Variants in CC2D2B observed in about 807,000 individuals in gnomAD.
CC2D2B encodes the protein coiled-coil and C2 domain containing 2B, also known as protein CC2D2B.
A neutral mutation model predicts 161.2 loss-of-function variants in CC2D2B; 128 were observed. That is an observed-to-expected ratio of 0.79 (90% CI 0.69 to 0.92). CC2D2B has a LOEUF of 0.92. Ranked by LOEUF, CC2D2B falls within the 40% of genes least tolerant of loss-of-function variation. The pLI is 0.00. For missense variants in CC2D2B, 1,173 were observed against 1,375.1 expected (o/e 0.85, Z 2.32); for synonymous variants, 391 against 449.8 (o/e 0.87, Z 1.65).
Position 96,019,832 on chromosome 10 carries a change from A to G in CC2D2B, c.3888+8A>G, listed in dbSNP as rs2079375450. 6.3e-7 allele frequency: 1 copy of G among 1,598,392 alleles called. No homozygotes were observed. The highest frequency in any genetic ancestry group is 2.3e-5 in the East Asian group (1 of 44,150). ...AAAATACAAAGCATACAGGTAAATCATATTTTCCCAGGGGTGTCTGTATGA... is the reference window on the plus strand; with the variant it reads ...AAAATACAAAGCATACAGGTAAATCGTATTTTCCCAGGGGTGTCTGTATGA... On this transcript the variant is annotated splice_region_variant and intron_variant, in intron 32 of 34. Coordinates refer to ENST00000646931, the MANE Select transcript of CC2D2B (RefSeq NM_001349008.3).
intron 9 of CC2D2B, among the ~76,000 whole-genome samples, chr10:95,941,184 C>T (rs940248646): frequency 6.6e-6 from 1 of 152,148 alleles, no homozygotes; most frequent in Non-Finnish European, 1.5e-5. Flanking sequence ...CATACACAAA[C>T]ATCAACTCGA....
At chr10:96,029,284 A>ATG (rs1399819224) in intron 34 of CC2D2B, among the ~76,000 whole-genome samples, 3 of 53,760 alleles carry the variant, frequency 5.6e-5, no homozygotes, top group Non-Finnish European at 1.0e-4. Flanking sequence ...ATATATATAT[A>ATG]TGTATATATA....
chr10:95,946,421 C>T (rs867952571), intron 9 of CC2D2B, among the ~76,000 whole-genome samples: 8 of 152,176 alleles, frequency 5.3e-5, no homozygotes, highest in African/African-American at 4.8e-5. Flanking sequence ...GTTATTCAAC[C>T]AGTGCTGGAT....
At chr10:96,015,741 AT>A (rs2079170796) in intron 29 of CC2D2B, among the ~76,000 whole-genome samples, 2 of 152,098 alleles carry the variant, frequency 1.3e-5, no homozygotes, top group Non-Finnish European at 2.9e-5. Flanking sequence ...TCCAACTCAG[AT>A]TTCTTCCTTT....
At chr10:96,018,895 T>TC (rs1384928987) in intron 30 of CC2D2B, 1 of 198,302 alleles carries the variant, frequency 5.0e-6, no homozygotes, top group African/African-American at 2.3e-5. Context: ...CTCCTCAGGC[T>TC]CAAGCGATCC....
At chr10:96,024,025 G>T (rs1056676278) in intron 32 of CC2D2B, among the ~76,000 whole-genome samples, 16 of 152,190 alleles carry the variant, frequency 1.1e-4, no homozygotes, top group Middle Eastern at 3.2e-3. Flanking sequence ...CTCTTCCTCA[G>T]CTCAGGAATA....
chr10:95,976,817 C>T (rs143284507), intron 17 of CC2D2B, among the ~76,000 whole-genome samples: 5,054 of 152,264 alleles, frequency 0.033, 120 homozygotes, highest in South Asian at 0.079. Flanking sequence ...GGTGCAATCT[C>T]GGCTCACTGC....
In CC2D2B at chr10:95,924,389, A is replaced by C. The variant is rs371415513; in HGVS notation, c.173A>C (p.Lys58Thr). 98 of 1,477,088 alleles carry C rather than the reference A, an allele frequency of 6.6e-5. No individual in the cohort carries two copies. The African/African-American group carries it at 1.1e-3, about 16-fold the overall frequency. 91.5% of individuals were successfully genotyped at this position (1,477,088 alleles called of 1,614,324 possible). ...GKVREKLKISKINKGEKSSTE... is the reference protein window; with the variant it reads ...GKVREKLKISTINKGEKSSTE... ...GTGAGAGAAAAGCTAAAAATTTCTA[A>C]GGTAATGCTTTTTAAAATTTCCTGT... The change falls in exon 4 of 35, where the codon AAG becomes ACG. Residue 58 changes from lysine (K) to threonine (T), a missense_variant and splice_region_variant. Physicochemically the swap from Lys to Thr is moderately conservative, Grantham distance 78. Coordinates refer to ENST00000646931, the MANE Select transcript of CC2D2B (RefSeq NM_001349008.3).
chr10:95,977,619 G>C (rs1339906721), intron 17 of CC2D2B, among the ~76,000 whole-genome samples: 3 of 152,096 alleles, frequency 2.0e-5, no homozygotes, highest in African/African-American at 7.2e-5. Context: ...GATTCTTTCA[G>C]TTAGTTTCTA....
At position 96,004,186 on chromosome 10, in the gene CC2D2B, T is replaced by C. The variant is rs776166819; in HGVS notation, c.2884T>C (p.Ser962Pro). 1 of 1,556,362 alleles carries C rather than the reference T, an allele frequency of 6.4e-7. No homozygotes were observed. The highest frequency in any genetic ancestry group is 2.1e-5 in the Admixed American group (1 of 48,380). ...ACATGATTATAGCTTCTCAAGCTTA[T>C]CTAAAATAAAAGATAACATATATAT... ...PGHDYSFSSL[S>P]KIKDNIYINI... The change falls in exon 25 of 35, where the codon TCT (serine) becomes CCT (proline). Residue 962 changes from serine to proline, a missense_variant. By Grantham distance (74) the Ser-to-Pro change is moderately conservative. Around this residue, in one of 3 missense-constraint regions of CC2D2B, gnomAD observed 598 missense variants for 693.2 expected, o/e 0.86. Transcript: ENST00000646931.
chr10:96,000,333 TAATA>T lies in CC2D2B; in HGVS notation c.2850-3796_2850-3793del, dbSNP rs3030829. On this transcript the variant is annotated intron_variant, in intron 24 of 34. Transcript: ENST00000646931. ...TGTTTCGTCTGTCTTTATTTATTTA[TAATA>T]AATAAATAAATAAATAAATAAAATG... 2.2e-4 allele frequency: 52 copies of T among 241,624 alleles called. 1 individual carries two copies. Among genetic ancestry groups the T allele is most frequent in the East Asian group, 1.5e-3 (8 of 5,342 alleles). The allele number at this position is 241,624 out of a possible 1,614,324, so 15.0% of individuals were successfully genotyped here.
At chr10:96,008,271 A>G (rs998755486) in intron 25 of CC2D2B, among the ~76,000 whole-genome samples, 3 of 149,870 alleles carry the variant, frequency 2.0e-5, no homozygotes, top group African/African-American at 7.4e-5. Flanking sequence ...TTTATTATAT[A>G]GCAGTATTCC....
At chr10:96,025,177 AT>A (rs1386171444) in intron 33 of CC2D2B, among the ~76,000 whole-genome samples, 15 of 23,884 alleles carry the variant, frequency 6.3e-4, no homozygotes, top group South Asian at 3.0e-3. Flanking sequence ...ATATATATAT[AT>A]ATATATAAAA....
chr10:96,014,691 T>C (rs1029900394), intron 29 of CC2D2B, among the ~76,000 whole-genome samples: 1 of 152,196 alleles, frequency 6.6e-6, no homozygotes, highest in Admixed American at 6.5e-5. Flanking sequence ...AAAGACTAAA[T>C]GTAGTAACAT....
rs781297536 is a variant in CC2D2B, at chr10:96,019,324, T to C, written c.3752T>C (p.Phe1251Ser). 1 of 1,609,340 alleles carries C rather than the reference T, an allele frequency of 6.2e-7. No homozygotes were observed. The highest frequency in any genetic ancestry group is 1.1e-5 in the South Asian group (1 of 89,830). ...CCCTTAAAAAGTGTAGATTGTTTGT[T>C]TGATGATAGAAATGTAAGTATATGG... ...FCPLKSVDCLFDDRNVWFNIQ... is the reference protein window; with the variant it reads ...FCPLKSVDCLSDDRNVWFNIQ... The change falls in exon 31 of 35, where the codon TTT becomes TCT. Residue 1251 changes from phenylalanine to serine, a missense_variant. Physicochemically the swap from Phe to Ser is radical, Grantham distance 155. Coordinates refer to ENST00000646931, the MANE Select transcript of CC2D2B (RefSeq NM_001349008.3).
intron 24 of CC2D2B, chr10:95,999,764 TTA>T: frequency 4.1e-6 from 1 of 244,318 alleles, no homozygotes; most frequent in Non-Finnish European, 8.0e-6. Flanking sequence ...TTTTTTTTTT[TTA>T]ACACCAATTA....
chr10:95,959,548 C>G (rs1392537875), intron 11 of CC2D2B, among the ~76,000 whole-genome samples: 1 of 152,150 alleles, frequency 6.6e-6, no homozygotes, highest in Non-Finnish European at 1.5e-5. Context: ...AACCTGGCAA[C>G]TGTATCAAAA....
chr10:95,927,125 C>T (rs2098540795), intron 5 of CC2D2B, 112 bp from the exon 6 acceptor site: 2 of 561,810 alleles, frequency 3.6e-6, no homozygotes, highest in Non-Finnish European at 6.2e-6. Flanking sequence ...CCTTGGTGCT[C>T]CCTGTTTGCT....
At chr10:96,031,691 C>A (rs1316959942) in intron 34 of CC2D2B, 129 bp from the exon 35 acceptor site, 2 of 809,322 alleles carry the variant, frequency 2.5e-6, no homozygotes, top group Admixed American at 4.6e-5. Flanking sequence ...TAATTTGGCA[C>A]CCACAGACAA....
Sources: allele counts gnomAD v4.1 joint callset (sites outside exome capture counted in the v4.1 genomes callset), GRCh38; gene constraint gnomAD v4.1.1; regional missense constraint gnomAD v4.1.1; transcripts MANE v1.5; gene names NCBI Gene and HGNC (gene_info 2026-07-23, HGNC 2026-07-21).